Variants in ZC2HC1B observed in about 807,000 individuals in gnomAD.
The protein encoded by ZC2HC1B is zinc finger C2HC-type containing 1B, also known as zinc finger C2HC domain-containing protein 1B.
A neutral mutation model predicts 31.0 loss-of-function variants in ZC2HC1B; 36 were observed. That is an observed-to-expected ratio of 1.16 (90% confidence interval 0.89 to 1.54). The LOEUF (loss-of-function observed/expected upper bound fraction) is 1.54, where lower values mean the gene tolerates loss of function less well. Among genes scored for constraint, ZC2HC1B ranks in the 40% most tolerant of loss-of-function variants. The pLI is 0.00. For synonymous variants in ZC2HC1B, 73 were observed against 88.0 expected (o/e 0.83, Z 0.95); for missense variants, 260 against 268.6 (o/e 0.97, Z 0.22).
intron 6 of ZC2HC1B, among the ~76,000 whole-genome samples, chr6:143,910,257 C>A (rs1445870786): frequency 6.6e-6 from 1 of 152,096 alleles, no homozygotes; most frequent in Non-Finnish European, 1.5e-5. Flanking sequence ...TGTTCAGTTT[C>A]CATGTGATGT....
At position 143,886,584 on chromosome 6, in the gene ZC2HC1B, C is replaced by A; in HGVS notation, c.211-99C>A. ...AAACTCTCCTTTTCCCCAATTTTCA[C>A]AGTTCTGTTTCCTGTGAATTCAAAT... On this transcript the variant is annotated intron_variant, in intron 3 of 7. Transcript: ENST00000237275. The surrounding 1 kb of genome is among the most constrained non-coding windows in gnomAD (Gnocchi z 4.2). The A allele has an allele frequency of 8.4e-7, 1 of 1,193,112 alleles. No homozygotes were observed. Among genetic ancestry groups the A allele is most frequent in the Non-Finnish European group, 1.1e-6 (1 of 917,462 alleles). 73.9% of individuals were successfully genotyped at this position (1,193,112 alleles called of 1,614,324 possible).
intron 5 of ZC2HC1B, among the ~76,000 whole-genome samples, chr6:143,902,306 A>G (rs1425327514): frequency 1.3e-5 from 2 of 152,232 alleles, no homozygotes; most frequent in Non-Finnish European, 2.9e-5. Context: ...TTTTAAACAT[A>G]ATCAACTTTT....
At chr6:143,888,930 C>G (rs998650719) in intron 4 of ZC2HC1B, among the ~76,000 whole-genome samples, 1 of 151,880 alleles carries the variant, frequency 6.6e-6, no homozygotes, top group African/African-American at 2.4e-5. Flanking sequence ...CGTACTATAT[C>G]GAATAGGAGT....
chr6:143,880,878 A>G (rs1332891979), intron 1 of ZC2HC1B, among the ~76,000 whole-genome samples: 1 of 152,220 alleles, frequency 6.6e-6, no homozygotes, highest in East Asian at 1.9e-4. Context: ...GAGATGCTGT[A>G]TGCCATTTAC....
rs1307258584 is a variant in ZC2HC1B at position 143,903,726 on chromosome 6, T to C, written c.598+574T>C. On this transcript the variant is annotated intron_variant, in intron 6 of 7. Coordinates refer to ENST00000237275, the MANE Select transcript of ZC2HC1B (RefSeq NM_001013623.3). This position sits in a 1 kb window ranked among gnomAD's most constrained non-coding sequence, Gnocchi z 4.3. ...GGTACCAAAACCTGAGATGTTGAAGTCCCTGATATAAAATGGCGTAGAATT... is the reference window on the plus strand; with the variant it reads ...GGTACCAAAACCTGAGATGTTGAAGCCCCTGATATAAAATGGCGTAGAATT... Among the ~76,000 whole-genome samples, 1 of 152,272 alleles carries C rather than the reference T, an allele frequency of 6.6e-6. No individual in the cohort carries two copies. Among genetic ancestry groups the C allele is most frequent in the Admixed American group, 6.5e-5 (1 of 15,290 alleles).
intron 6 of ZC2HC1B, among the ~76,000 whole-genome samples, chr6:143,916,309 A>G (rs1777915809): frequency 6.6e-6 from 1 of 152,208 alleles, no homozygotes; most frequent in Non-Finnish European, 1.5e-5. Flanking sequence ...AGATTTCAGA[A>G]GATGTATGGA....
Position 143,903,038 on chromosome 6 carries a change from C to A in ZC2HC1B, c.490-6C>A. 1 of 1,551,546 alleles carries A rather than the reference C, an allele frequency of 6.4e-7. No homozygotes were observed. Among genetic ancestry groups the A allele is most frequent in the Non-Finnish European group, 8.7e-7 (1 of 1,146,850 alleles). ...TCTCTTTGTCTCTTTCTTTCTCTCT[C>A]TGTAGGGTAGGGCTCAGATGGGTCC... On this transcript the variant is annotated splice_polypyrimidine_tract_variant and splice_region_variant and intron_variant, in intron 5 of 7. Coordinates refer to ENST00000237275, the MANE Select transcript of ZC2HC1B (RefSeq NM_001013623.3). The surrounding 1 kb of genome is among the most constrained non-coding windows in gnomAD (Gnocchi z 4.3).
rs1457539996 is a variant in ZC2HC1B, at chr6:143,903,907, CTATT to C, written c.598+765_598+768del. Among the ~76,000 whole-genome samples, 3 of 152,042 alleles carry C rather than the reference CTATT, an allele frequency of 2.0e-5. No homozygotes were observed. The highest frequency in any genetic ancestry group is 2.9e-5 in the Non-Finnish European group (2 of 67,998). On this transcript the variant is annotated intron_variant, in intron 6 of 7. Coordinates refer to ENST00000237275, the MANE Select transcript of ZC2HC1B (RefSeq NM_001013623.3). This position sits in a 1 kb window ranked among gnomAD's most constrained non-coding sequence, Gnocchi z 4.3. ...ATTGGTACACTTGGGTTTTATTTAT[CTATT>C]TATTTATTTTTAAATGTTCTCCATC...
chr6:143,871,858 A>G lies in ZC2HC1B; in HGVS notation c.28+7291A>G, dbSNP rs1328207212. ...CTAAGTATGTCTATGCCAATTTTGC[A>G]TTCTGGCACTGGGGAAATGACCACA... On this transcript the variant is annotated intron_variant, in intron 1 of 7. Coordinates refer to ENST00000237275, the MANE Select transcript of ZC2HC1B (RefSeq NM_001013623.3). The surrounding 1 kb of genome is among the most constrained non-coding windows in gnomAD (Gnocchi z 4.1). Among the ~76,000 whole-genome samples, 1 of 152,168 alleles carries G rather than the reference A, an allele frequency of 6.6e-6. No individual in the cohort carries two copies. Among genetic ancestry groups the G allele is most frequent in the Non-Finnish European group, 1.5e-5 (1 of 68,012 alleles).
In ZC2HC1B at chr6:143,872,542, T is replaced by A. The variant is rs1337559443; in HGVS notation, c.28+7975T>A. On this transcript the variant is annotated intron_variant, in intron 1 of 7. Coordinates refer to ENST00000237275, the MANE Select transcript of ZC2HC1B (RefSeq NM_001013623.3). The surrounding 1 kb of genome is among the most constrained non-coding windows in gnomAD (Gnocchi z 5.5). Reference sequence around the variant, plus strand: ...TATTCCCACTATATTTATTTTTTATTTTTTAAATTTATGTATTAGTCTATT... The same window carrying A: ...TATTCCCACTATATTTATTTTTTATATTTTAAATTTATGTATTAGTCTATT... Among the ~76,000 whole-genome samples, 1 of 152,208 alleles carries A rather than the reference T, an allele frequency of 6.6e-6. No homozygotes were observed. Among genetic ancestry groups the A allele is most frequent in the South Asian group, 2.1e-4 (1 of 4,830 alleles).
rs1379301340 is a variant in ZC2HC1B, at chr6:143,911,995, C to G, written c.598+8843C>G. ...TTCTTTTTTCTCTATTTTTGTCAGC[C>G]TGTCTTATTTCAGAAAGATAGTCTT... On this transcript the variant is annotated intron_variant, in intron 6 of 7. Transcript: ENST00000237275. The surrounding 1 kb of genome is among the most constrained non-coding windows in gnomAD (Gnocchi z 4.5). Among the ~76,000 whole-genome samples, 2 of 151,898 alleles carry G rather than the reference C, an allele frequency of 1.3e-5. No individual in the cohort carries two copies. Among genetic ancestry groups the G allele is most frequent in the Non-Finnish European group, 2.9e-5 (2 of 68,016 alleles).
chr6:143,877,977 G>A (rs988983226), intron 1 of ZC2HC1B, among the ~76,000 whole-genome samples: 3 of 150,720 alleles, frequency 2.0e-5, no homozygotes, highest in Non-Finnish European at 3.0e-5. Flanking sequence ...TTAATCACTA[G>A]ATTGTATATA....
At chr6:143,882,350 A>T (rs1271078491) in intron 1 of ZC2HC1B, among the ~76,000 whole-genome samples, 1 of 136,582 alleles carries the variant, frequency 7.3e-6, no homozygotes, top group African/African-American at 2.9e-5. Context: ...ATATATATAT[A>T]TATATATATA....
intron 6 of ZC2HC1B, among the ~76,000 whole-genome samples, chr6:143,916,895 T>C (rs1432589744): frequency 6.6e-6 from 1 of 152,216 alleles, no homozygotes; most frequent in Non-Finnish European, 1.5e-5. Context: ...CTTTGGATTG[T>C]GGACTTTTGC....
rs1470855204 is a variant in ZC2HC1B at position 143,908,236 on chromosome 6, T to C, written c.598+5084T>C. ...ATGGCTCCAGCTTTGTTCTTTTTGC[T>C]TAGGATTGTCTTGACTATTTGGGCT... On this transcript the variant is annotated intron_variant, in intron 6 of 7. Coordinates refer to ENST00000237275, the MANE Select transcript of ZC2HC1B (RefSeq NM_001013623.3). The surrounding 1 kb of genome is among the most constrained non-coding windows in gnomAD (Gnocchi z 4.4). 6.6e-6 allele frequency among the ~76,000 whole-genome samples: 1 copy of C among 152,212 alleles called. No individual in the cohort carries two copies. Among genetic ancestry groups the C allele is most frequent in the African/African-American group, 2.4e-5 (1 of 41,448 alleles).
In ZC2HC1B at chr6:143,909,826, GTCTA is replaced by G. The variant is rs564902379; in HGVS notation, c.598+6678_598+6681del. ...TTCTTCTTTACTAGTCTAGCTAGCAGTCTATCTGTCTTATTAATCTTAAAAAAGC... is the reference window on the plus strand; with the variant it reads ...TTCTTCTTTACTAGTCTAGCTAGCAGTCTGTCTTATTAATCTTAAAAAAGC... On this transcript the variant is annotated intron_variant, in intron 6 of 7. Transcript: ENST00000237275. Among the ~76,000 whole-genome samples, 681 of 152,120 alleles carry G rather than the reference GTCTA, an allele frequency of 4.5e-3. 3 individuals are homozygous for G. Among genetic ancestry groups the G allele is most frequent in the African/African-American group, 0.012 (478 of 41,502 alleles).
In ZC2HC1B at chr6:143,886,654, GTAT is replaced by G. The variant is rs1478311620; in HGVS notation, c.211-24_211-22del. ...GTAATGGAGAGGTATATAGTCTAGG[GTAT>G]TATTTGTTGGTTTTATTTTTTACAG... On this transcript the variant is annotated intron_variant, in intron 3 of 7. Coordinates refer to ENST00000237275, the MANE Select transcript of ZC2HC1B (RefSeq NM_001013623.3). The surrounding 1 kb of genome is among the most constrained non-coding windows in gnomAD (Gnocchi z 4.2). 1.3e-5 allele frequency: 19 copies of G among 1,509,862 alleles called. No homozygotes were observed. The highest frequency in any genetic ancestry group is 1.7e-5 in the Non-Finnish European group (19 of 1,129,294). The allele number at this position is 1,509,862 out of a possible 1,614,324, so 93.5% of individuals were successfully genotyped here.
At position 143,882,334 on chromosome 6, in the gene ZC2HC1B, T is replaced by TTATATATATATA. The variant is rs59777839; in HGVS notation, c.29-1946_29-1935dup. The stretch of plus-strand genomic sequence containing the variant: ...AATATGTATACATATTTTATATTTT[T>TTATATATATATA]TATATATATATATATATATATATAT... On this transcript the variant is annotated intron_variant, in intron 1 of 7. Transcript: ENST00000237275. Among the ~76,000 whole-genome samples the TTATATATATATA allele has an allele frequency of 2.3e-3, 195 of 85,506 alleles. 1 individual carries two copies. The highest frequency in any genetic ancestry group is 2.9e-3 in the Non-Finnish European group (140 of 49,096). The allele number at this position is 85,506 out of a possible 152,430, so 56.1% of individuals were successfully genotyped here. A position where few individuals can be genotyped will look rare whatever the true frequency, so the allele number is the denominator to read the frequency against.
rs1777496241 is a variant in ZC2HC1B, at chr6:143,883,632, A to C, written c.29-672A>C. 6.6e-6 allele frequency among the ~76,000 whole-genome samples: 1 copy of C among 152,222 alleles called. No homozygotes were observed. The stretch of plus-strand genomic sequence containing the variant: ...CTGATGAACCAAAAGGAAGTAATAC[A>C]AAAAACCTTTTTTCAGAATTTCATA... On this transcript the variant is annotated intron_variant, in intron 1 of 7. Coordinates refer to ENST00000237275, the MANE Select transcript of ZC2HC1B (RefSeq NM_001013623.3). The surrounding 1 kb of genome is among the most constrained non-coding windows in gnomAD (Gnocchi z 4.1).
Sources: gnomAD v4.1 joint callset for allele counts (sites outside exome capture counted in the v4.1 genomes callset) on GRCh38, gnomAD v4.1.1 for gene constraint, Gnocchi (gnomAD v3.1) non-coding constraint, MANE v1.5 for transcripts, NCBI Gene and HGNC (gene_info 2026-07-23, HGNC 2026-07-21) for gene names.